Variants in ATG14 observed in about 807,000 individuals in gnomAD.
ATG14 encodes the protein autophagy related 14, also known as beclin 1-associated autophagy-related key regulator.
In ATG14, 35 loss-of-function variants were observed where a neutral mutation model predicts 60.4. The ratio of observed to expected loss-of-function variants is 0.58; its 90% CI spans 0.44 to 0.77. ATG14 has a LOEUF of 0.77. ATG14 is among the 30% of genes least tolerant of loss of function. The pLI, the probability that ATG14 is intolerant of heterozygous loss-of-function variation, is 0.00. For missense variants in ATG14, 647 were observed against 626.3 expected (o/e 1.03, Z -0.35); for synonymous variants, 234 against 228.8 (o/e 1.02, Z -0.21).
At chr14:55,403,681 ACAT>A (rs148974586) in intron 1 of ATG14, among the ~76,000 whole-genome samples, 1 of 152,314 alleles carries the variant, frequency 6.6e-6, no homozygotes, top group African/African-American at 2.4e-5. Flanking sequence ...AACAACAACA[ACAT>A]CAACAACAAC....
At chr14:55,397,134 T>C (rs533631632) in intron 2 of ATG14, among the ~76,000 whole-genome samples, 2 of 152,314 alleles carry the variant, frequency 1.3e-5, no homozygotes, top group South Asian at 4.2e-4. Flanking sequence ...TGCCAGGGAT[T>C]TGATTCACTG....
rs750221307 is a variant in ATG14 at position 55,411,597 on chromosome 14, C to T, written c.221+5G>A. On this transcript the variant is annotated splice_donor_5th_base_variant and intron_variant, in intron 1 of 9. Transcript: ENST00000247178. Reference sequence around the variant, plus strand: ...GAAACAATAGGGCCGTGGCGGCCGCCGTACCTCTCCCGGTCGCGGCCGTCG... The same window carrying T: ...GAAACAATAGGGCCGTGGCGGCCGCTGTACCTCTCCCGGTCGCGGCCGTCG... 1.2e-6 allele frequency: 2 copies of T among 1,604,532 alleles called. No individual in the cohort carries two copies. The highest frequency in any genetic ancestry group is 1.7e-6 in the Non-Finnish European group (2 of 1,176,384).
chr14:55,391,808 C>T (rs912869856), intron 3 of ATG14, among the ~76,000 whole-genome samples: 2 of 152,086 alleles, frequency 1.3e-5, no homozygotes, highest in African/African-American at 2.4e-5. Context: ...ACTGAGGAGA[C>T]GGTTAACATA....
At position 55,411,801 on chromosome 14, in the gene ATG14, C is replaced by G. The variant is rs377313536; in HGVS notation, c.22G>C (p.Gly8Arg). 2.5e-6 allele frequency: 4 copies of G among 1,598,026 alleles called. No homozygotes were observed. In the East Asian group the frequency reaches 9.0e-5, roughly 36 times the overall value. Residue 8 changes from glycine (G) to arginine (R), a missense_variant, in exon 1 of 10, where the codon GGA becomes CGA. Transcript: ENST00000247178. MASPSGK[G>R]ARALEAPGCG... is the part of the protein sequence containing the mutation. ...CCAGGAGCCTCCAGCGCCCGGGCTCCCTTCCCACTGGGAGACGCCATGATG... is the reference window on the plus strand; with the variant it reads ...CCAGGAGCCTCCAGCGCCCGGGCTCGCTTCCCACTGGGAGACGCCATGATG...
intron 9 of ATG14, 80 bp downstream of exon 9, chr14:55,377,739 C>T (rs1049546720): frequency 3.8e-5 from 40 of 1,048,982 alleles, no homozygotes; most frequent in African/African-American, 4.8e-5. Context: ...TTAGGGAACA[C>T]GACTCTACTA....
chr14:55,402,928 T>A (rs10135309), intron 1 of ATG14, among the ~76,000 whole-genome samples: 307 of 7,736 alleles, frequency 0.04, 3 homozygotes, highest in Middle Eastern at 0.1. Context: ...AAAAAAAAAA[T>A]ATATATATAT....
intron 9 of ATG14, among the ~76,000 whole-genome samples, chr14:55,374,171 G>T (rs1357151179): frequency 6.6e-6 from 1 of 152,124 alleles, no homozygotes; most frequent in Non-Finnish European, 1.5e-5. Flanking sequence ...GGTTGCAAAT[G>T]GAAACTTGTT....
At chr14:55,409,020 C>T (rs1885531478) in intron 1 of ATG14, among the ~76,000 whole-genome samples, 1 of 152,126 alleles carries the variant, frequency 6.6e-6, no homozygotes, top group African/African-American at 2.4e-5. Flanking sequence ...TCTATTGTGG[C>T]TGCTGTTTGG....
intron 9 of ATG14, among the ~76,000 whole-genome samples, chr14:55,374,715 A>G (rs1205194732): frequency 9.9e-5 from 15 of 152,190 alleles, no homozygotes. Flanking sequence ...AGAATGTGGT[A>G]TGAACTCAAC....
In ATG14 at chr14:55,369,819, C is replaced by CATCGCTGACGCGCTCATCTCCGCT. The variant is rs1566575874; in HGVS notation, c.1255_1278dup (p.Ser419_Asp426dup). 6.2e-7 allele frequency: 1 copy of CATCGCTGACGCGCTCATCTCCGCT among 1,614,210 alleles called. No individual in the cohort carries two copies. The highest frequency in any genetic ancestry group is 8.5e-7 in the Non-Finnish European group (1 of 1,180,040). On this transcript the variant is annotated inframe_insertion, in exon 10 of 10. Coordinates refer to ENST00000247178, the MANE Select transcript of ATG14 (RefSeq NM_014924.5). ...CAGTCTGTGCCCAGGTCGGTTTCTT[C>CATCGCTGACGCGCTCATCTCCGCT]ATCGCTGACGCGCTCATCTCCGCTC...
chr14:55,397,553 T>TAGTAAATACACGTCTTCTCAACGGGGTGC, intron 1 of ATG14, 119 bp from the exon 2 acceptor site: 1 of 792,678 alleles, frequency 1.3e-6, no homozygotes, highest in South Asian at 1.5e-5. Flanking sequence ...ATTGTCCTGA[T>TAGTAAATACACGTCTTCTCAACGGGGTGC]AGTAAATACA....
At chr14:55,370,020 A>T (rs1247501788) in intron 9 of ATG14, 95 bp from the exon 10 acceptor site, 1 of 1,237,502 alleles carries the variant, frequency 8.1e-7, no homozygotes, top group African/African-American at 1.5e-5. Flanking sequence ...TGAGGGGATG[A>T]GGGACGCCGC....
At position 55,411,672 on chromosome 14, in the gene ATG14, G is replaced by C; in HGVS notation, c.151C>G (p.Arg51Gly). 11 of 1,613,414 alleles carry C rather than the reference G, an allele frequency of 6.8e-6. No homozygotes were observed. The highest frequency in any genetic ancestry group is 9.3e-6 in the Non-Finnish European group (11 of 1,179,888). Residue 51 changes from arginine (R) to glycine (G), a missense_variant, in exon 1 of 10, where the codon CGG becomes GGG. Coordinates refer to ENST00000247178, the MANE Select transcript of ATG14 (RefSeq NM_014924.5). Reference protein sequence around the residue: ...ERCPLCNTTRRRLTCAKCVQS... With the variant: ...ERCPLCNTTRGRLTCAKCVQS... ...ACGCATTTGGCGCAGGTCAGCCGCC[G>C]GCGGGTAGTGTTGCACAGCGGGCAG...
At chr14:55,409,725 T>C (rs934401043) in intron 1 of ATG14, among the ~76,000 whole-genome samples, 3 of 152,032 alleles carry the variant, frequency 2.0e-5, no homozygotes, top group Non-Finnish European at 4.4e-5. Flanking sequence ...GAGAAAATAA[T>C]AGGAGATTAA....
In ATG14 at chr14:55,411,469, G is replaced by A. The variant is rs1055605105; in HGVS notation, c.221+133C>T. 1.6e-5 allele frequency: 14 copies of A among 896,230 alleles called. 1 individual carries two copies. In the South Asian group the frequency reaches 2.2e-4, roughly 14 times the overall value. 55.5% of individuals were successfully genotyped at this position (896,230 alleles called of 1,614,324 possible). ...GCAAAGCTCCGGTGCAGAGCAGCTA[G>A]CTACACTCCCTCTCTCTCGCTCCTC... On this transcript the variant is annotated intron_variant, in intron 1 of 9. Coordinates refer to ENST00000247178, the MANE Select transcript of ATG14 (RefSeq NM_014924.5).
chr14:55,381,297 AC>A (rs1187033286), intron 6 of ATG14, among the ~76,000 whole-genome samples: 5 of 152,180 alleles, frequency 3.3e-5, no homozygotes, highest in Admixed American at 6.5e-5. Context: ...ATCTTTCTCC[AC>A]CAAAGAGAAA....
chr14:55,405,896 G>GA (rs1361227547), intron 1 of ATG14, among the ~76,000 whole-genome samples: 7 of 151,920 alleles, frequency 4.6e-5, no homozygotes, highest in Admixed American at 4.6e-4. Context: ...TGGCGGGGGG[G>GA]GCAGGGGAAG....
chr14:55,411,426 C>T (rs1885569658), intron 1 of ATG14, among the ~76,000 whole-genome samples, 176 bp downstream of exon 1: 1 of 152,202 alleles, frequency 6.6e-6, no homozygotes, highest in Admixed American at 6.5e-5. Context: ...CATCTGGCCC[C>T]TACGCTGTCC....
At chr14:55,396,400 G>A (rs1449554263) in intron 2 of ATG14, among the ~76,000 whole-genome samples, 2 of 152,196 alleles carry the variant, frequency 1.3e-5, no homozygotes, top group Non-Finnish European at 2.9e-5. Flanking sequence ...AAGTTTTTGT[G>A]TTTGAGTAAT....
Sources: gnomAD v4.1 joint callset for allele counts (sites outside exome capture counted in the v4.1 genomes callset) on GRCh38, gnomAD v4.1.1 for gene constraint, MANE v1.5 for transcripts, NCBI Gene and HGNC (gene_info 2026-07-23, HGNC 2026-07-21) for gene names.